Variants in EFHB observed in about 807,000 individuals in gnomAD.
EFHB encodes the protein EF-hand domain family member B.
EFHB carries 91 observed loss-of-function variants against 87.2 expected under a neutral mutation model. The ratio of observed to expected loss-of-function variants is 1.04; its 90% CI spans 0.88 to 1.24. The LOEUF (loss-of-function observed/expected upper bound fraction) is 1.24, where lower values mean the gene tolerates loss of function less well. EFHB is among the 50% of genes most tolerant of loss of function. EFHB has a pLI of 0.00. For synonymous variants in EFHB, 325 were observed against 333.6 expected, an observed-to-expected ratio of 0.97 and a Z score of 0.28; for missense variants, 1,084 against 998.8, an observed-to-expected ratio of 1.09 and a Z score of -1.15.
At chr3:19,938,168 A>G (rs1696065353), upstream of EFHB, among the ~76,000 whole-genome samples, 6 of 152,180 alleles carry the variant, frequency 3.9e-5, no homozygotes. Context: ...CTCAAGGCCA[A>G]CTCTGAAAGG....
At position 19,899,526 on chromosome 3, in the gene EFHB, A is replaced by G. The variant is rs1694599377; in HGVS notation, c.1419-11T>C. 1.9e-6 allele frequency: 3 copies of G among 1,591,300 alleles called. No individual in the cohort carries two copies. Among genetic ancestry groups the G allele is most frequent in the South Asian group, 1.2e-5 (1 of 86,246 alleles). On this transcript the variant is annotated splice_polypyrimidine_tract_variant and intron_variant, in intron 6 of 12. Coordinates refer to ENST00000295824, the MANE Select transcript of EFHB (RefSeq NM_144715.4). ...TTAGCTCCTCTTTTCCTGCAAAATT[A>G]GAACATTATCAGGTATCTCTATTAC...
Position 19,893,728 on chromosome 3 carries a change from T to C in EFHB, c.1725+2959A>G, listed in dbSNP as rs73188442. Among the ~76,000 whole-genome samples the C allele has an allele frequency of 7.8e-3, 1,192 of 152,278 alleles. 11 individuals carry two copies. Among genetic ancestry groups the C allele is most frequent in the African/African-American group, 0.025 (1,026 of 41,558 alleles). ...TGACCCTAGTTACTGCACCTCCACATTGAACACCTTTGGGTATCTTCCCCA... is the reference window on the plus strand; with the variant it reads ...TGACCCTAGTTACTGCACCTCCACACTGAACACCTTTGGGTATCTTCCCCA... On this transcript the variant is annotated intron_variant, in intron 9 of 12. Coordinates refer to ENST00000295824, the MANE Select transcript of EFHB (RefSeq NM_144715.4).
intron 9 of EFHB, among the ~76,000 whole-genome samples, chr3:19,895,112 A>G (rs1449943262): frequency 6.7e-6 from 1 of 149,302 alleles, no homozygotes; most frequent in Non-Finnish European, 1.5e-5. Context: ...ATTTATATAT[A>G]AGCATATATG....
intron 2 of EFHB, 143 bp from the exon 3 acceptor site, chr3:19,920,119 C>T (rs1376731788): frequency 1.2e-5 from 10 of 841,288 alleles, no homozygotes; most frequent in South Asian, 2.1e-5. Context: ...TAATGAACAT[C>T]CCCCTAAAAT....
intron 1 of EFHB, among the ~76,000 whole-genome samples, chr3:19,942,010 T>G (rs1696171383): frequency 6.6e-6 from 1 of 151,576 alleles, no homozygotes; most frequent in South Asian, 2.1e-4. Context: ...CAAAAAAAAT[T>G]ACCCAGGCGT....
At chr3:19,923,464 T>G (rs1213262950) in intron 1 of EFHB, among the ~76,000 whole-genome samples, 1 of 152,170 alleles carries the variant, frequency 6.6e-6, no homozygotes, top group Admixed American at 6.5e-5. Flanking sequence ...CTCAGCTCAC[T>G]GCAACCTCTA....
intron 5 of EFHB, among the ~76,000 whole-genome samples, chr3:19,909,122 C>T (rs1694968698): frequency 6.8e-6 from 1 of 146,916 alleles, no homozygotes; most frequent in Non-Finnish European, 1.5e-5. Context: ...ACTCATAGTA[C>T]TTGATTTTAA....
chr3:19,930,665 G>A (rs1403602533), intron 1 of EFHB, among the ~76,000 whole-genome samples: 1 of 152,124 alleles, frequency 6.6e-6, no homozygotes, highest in Non-Finnish European at 1.5e-5. Context: ...GGAATGCAGT[G>A]GTGTGATCAT....
At chr3:19,913,876 C>A (rs1575026677) in intron 5 of EFHB, among the ~76,000 whole-genome samples, 1 of 152,164 alleles carries the variant, frequency 6.6e-6, no homozygotes, top group East Asian at 1.9e-4. Flanking sequence ...CCAAACAAAT[C>A]CATACACCTA....
At chr3:19,945,991 C>CA in intron 1 of EFHB, 1 of 152,060 alleles carries the variant, frequency 6.6e-6, no homozygotes, top group Non-Finnish European at 1.5e-5. Flanking sequence ...ATTATCAAAA[C>CA]AATTTTTTTG....
At chr3:19,893,529 T>C (rs1694376671) in intron 9 of EFHB, among the ~76,000 whole-genome samples, 1 of 152,116 alleles carries the variant, frequency 6.6e-6, no homozygotes, top group South Asian at 2.1e-4. Flanking sequence ...CATCATGATA[T>C]TTTGTTTTTC....
upstream of EFHB, among the ~76,000 whole-genome samples, chr3:19,934,417 C>CT (rs1695957678): frequency 1.5e-5 from 2 of 132,200 alleles, no homozygotes; most frequent in Admixed American, 7.5e-5. Context: ...CCTCTCTCTC[C>CT]CTCTCCTCTC....
At chr3:19,892,678 T>G (rs1261261057) in intron 9 of EFHB, among the ~76,000 whole-genome samples, 2 of 152,076 alleles carry the variant, frequency 1.3e-5, no homozygotes, top group Non-Finnish European at 2.9e-5. Flanking sequence ...AACCACTTGG[T>G]TGAGTATACT....
upstream of EFHB, among the ~76,000 whole-genome samples, chr3:19,937,501 C>T (rs760665684): frequency 1.3e-5 from 2 of 152,108 alleles, no homozygotes; most frequent in African/African-American, 4.8e-5. Context: ...GACCAAAGCT[C>T]TGATCAAACT....
At chr3:19,920,922 A>G (rs1695416640) in intron 1 of EFHB, among the ~76,000 whole-genome samples, 1 of 152,186 alleles carries the variant, frequency 6.6e-6, no homozygotes, top group Admixed American at 6.5e-5. Flanking sequence ...TAACAGTGAA[A>G]TAGAAGTATG....
intron 10 of EFHB, among the ~76,000 whole-genome samples, chr3:19,884,838 C>T (rs1276125798): frequency 1.3e-5 from 2 of 151,750 alleles, no homozygotes; most frequent in Non-Finnish European, 2.9e-5. Flanking sequence ...TCTGCTACTC[C>T]ACTCACTTTA....
chr3:19,896,890 A>G (rs1694506764), intron 8 of EFHB, 49 bp from the exon 9 acceptor site: 6 of 1,468,906 alleles, frequency 4.1e-6, no homozygotes, highest in Non-Finnish European at 3.6e-6. Context: ...GTCTTTCTAT[A>G]TTATTTCTAT....
At chr3:19,921,456 T>G (rs570174351) in intron 1 of EFHB, among the ~76,000 whole-genome samples, 4 of 152,212 alleles carry the variant, frequency 2.6e-5, no homozygotes, top group African/African-American at 9.6e-5. Flanking sequence ...TATGAATTAT[T>G]AGACTCCAGT....
chr3:19,879,559 G>C lies in EFHB; in HGVS notation c.*72C>G. 6.9e-7 allele frequency: 1 copy of C among 1,447,756 alleles called. No homozygotes were observed. The highest frequency in any genetic ancestry group is 9.2e-7 in the Non-Finnish European group (1 of 1,086,712). The allele number at this position is 1,447,756 out of a possible 1,614,324, so 89.7% of individuals were successfully genotyped here. A position where few individuals can be genotyped will look rare whatever the true frequency, so the allele number is the denominator to read the frequency against. ...AACTCTAACATAATATCTAAAACCA[G>C]AATGGATTCAACATTTTAGATAAAC... On this transcript the variant is annotated 3_prime_UTR_variant, in exon 13 of 13. Coordinates refer to ENST00000295824, the MANE Select transcript of EFHB (RefSeq NM_144715.4).
Sources: allele counts gnomAD v4.1 joint callset (sites outside exome capture counted in the v4.1 genomes callset), GRCh38; gene constraint gnomAD v4.1.1; transcripts MANE v1.5; gene names NCBI Gene and HGNC (gene_info 2026-07-23, HGNC 2026-07-21).